Variants in ATPSCKMT observed in about 807,000 individuals in gnomAD.
The protein encoded by ATPSCKMT is ATP synthase subunit C lysine N-methyltransferase.
ATPSCKMT carries 24 observed loss-of-function variants against 24.3 expected under a neutral mutation model. The observed-to-expected ratio is 0.99, with a 90% CI of 0.71 to 1.39. ATPSCKMT has a LOEUF of 1.39. Ranked by LOEUF, ATPSCKMT falls within the 40% of genes most tolerant of loss-of-function variation. The pLI, the probability that ATPSCKMT is intolerant of heterozygous loss-of-function variation, is 0.00. For missense variants in ATPSCKMT, 311 were observed against 298.4 expected (o/e 1.04, Z -0.31); for synonymous variants, 95 against 110.5 (o/e 0.86, Z 0.88).
In ATPSCKMT at chr5:10,235,272, T is replaced by C; in HGVS notation, c.445-11A>G. The C allele has an allele frequency of 1.9e-6, 3 of 1,611,822 alleles. No individual in the cohort carries two copies. Among genetic ancestry groups the C allele is most frequent in the Non-Finnish European group, 2.5e-6 (3 of 1,178,590 alleles). ...CTGCGAAAAAGTAACCTGAACAAGG[T>C]GGGAAAATAATCAGTAGATTAAGTG... On this transcript the variant is annotated splice_polypyrimidine_tract_variant and intron_variant, in intron 3 of 4. Coordinates refer to ENST00000511437, the MANE Select transcript of ATPSCKMT (RefSeq NM_199133.4).
chr5:10,240,546 C>T lies in ATPSCKMT; in HGVS notation c.17-1190G>A, dbSNP rs948543633. Among the ~76,000 whole-genome samples the T allele has an allele frequency of 7.2e-5, 11 of 152,158 alleles. No individual in the cohort carries two copies. In the East Asian group the frequency reaches 2.1e-3, roughly 29 times the overall value. On this transcript the variant is annotated intron_variant, in intron 1 of 4. Transcript: ENST00000511437. ...TGGGACCCTGAATCCCTGGTCCTTGCTGAGCCTGTTTTCTCATCTGCAAAG... is the reference window on the plus strand; with the variant it reads ...TGGGACCCTGAATCCCTGGTCCTTGTTGAGCCTGTTTTCTCATCTGCAAAG...
chr5:10,239,489 A>G (rs1744528802), intron 1 of ATPSCKMT, 133 bp from the exon 2 acceptor site: 1 of 743,328 alleles, frequency 1.3e-6, no homozygotes. Flanking sequence ...TACAAGCTAA[A>G]TGTCAACTGT....
intron 1 of ATPSCKMT, among the ~76,000 whole-genome samples, chr5:10,241,377 A>G (rs10037085): frequency 0.044 from 6,769 of 152,264 alleles, 534 homozygotes; most frequent in African/African-American, 0.16. Flanking sequence ...ACACCCATGA[A>G]CTACGGCAAT....
intron 2 of ATPSCKMT, among the ~76,000 whole-genome samples, chr5:10,238,174 G>A (rs1744460328): frequency 6.6e-6 from 1 of 152,128 alleles, no homozygotes; most frequent in Non-Finnish European, 1.5e-5. Flanking sequence ...GATGGGTGGT[G>A]GTGATGGTGG....
intron 1 of ATPSCKMT, among the ~76,000 whole-genome samples, chr5:10,245,253 T>C (rs1353983709): frequency 6.6e-6 from 1 of 151,630 alleles, no homozygotes; most frequent in Non-Finnish European, 1.5e-5. Flanking sequence ...ACCCTGTCTC[T>C]ACTAAAAATC....
intron 4 of ATPSCKMT, among the ~76,000 whole-genome samples, chr5:10,230,995 T>G (rs1744103858): frequency 8.2e-6 from 1 of 121,234 alleles, no homozygotes; most frequent in South Asian, 2.6e-4. Context: ...CCCAGACTCC[T>G]TCTCACCCAC....
At position 10,239,270 on chromosome 5, in the gene ATPSCKMT, T is replaced by A. The variant is rs758711347; in HGVS notation, c.103A>T (p.Asn35Tyr). 1 of 1,614,210 alleles carries A rather than the reference T, an allele frequency of 6.2e-7. No individual in the cohort carries two copies. Among genetic ancestry groups the A allele is most frequent in the East Asian group, 2.2e-5 (1 of 44,894 alleles). The change falls in exon 2 of 5, where the codon AAC becomes TAC. Residue 35 changes from asparagine (N) to tyrosine (Y), a missense_variant. By Grantham distance (143) the Asn-to-Tyr change is moderately radical. Coordinates refer to ENST00000511437, the MANE Select transcript of ATPSCKMT (RefSeq NM_199133.4). Reference sequence around the variant, plus strand: ...AGCCCAGTAAGTAAGAACCCCCAGTTGCTTTTCTGCAAACTGTTGACTTCA... The same window carrying A: ...AGCCCAGTAAGTAAGAACCCCCAGTAGCTTTTCTGCAAACTGTTGACTTCA... ...SFEVNSLQKS[N>Y]WGFLLTGLVG... is the part of the protein sequence containing the mutation.
At chr5:10,239,458 T>G (rs904304057) in intron 1 of ATPSCKMT, 102 bp from the exon 2 acceptor site, 1 of 1,045,846 alleles carries the variant, frequency 9.6e-7, no homozygotes, top group Non-Finnish European at 1.4e-6. Context: ...CTCATGCTTT[T>G]TAAAGGATAA....
In ATPSCKMT at chr5:10,239,258, A is replaced by G. The variant is rs1744515480; in HGVS notation, c.115T>C (p.Leu39=). 1.2e-6 allele frequency: 2 copies of G among 1,614,226 alleles called. No individual in the cohort carries two copies. Among genetic ancestry groups the G allele is most frequent in the Non-Finnish European group, 1.7e-6 (2 of 1,180,038 alleles). ...NSLQKSNWGF[L]LTGLVGGTLV... is the part of the protein sequence containing the mutation. ...GTGCCACCCACAAGCCCAGTAAGTA[A>G]GAACCCCCAGTTGCTTTTCTGCAAA... Residue 39 remains leucine, a synonymous_variant, in exon 2 of 5, where the codon TTA becomes CTA. Coordinates refer to ENST00000511437, the MANE Select transcript of ATPSCKMT (RefSeq NM_199133.4).
At position 10,225,883 on chromosome 5, in the gene ATPSCKMT, C is replaced by T. The variant is rs983134781; in HGVS notation, c.*1558G>A. Among the ~76,000 whole-genome samples the T allele has an allele frequency of 2.1e-4, 32 of 152,160 alleles. No homozygotes were observed. Among genetic ancestry groups the T allele is most frequent in the African/African-American group, 6.8e-4 (28 of 41,440 alleles). On this transcript the variant is annotated 3_prime_UTR_variant, in exon 5 of 5. Coordinates refer to ENST00000511437, the MANE Select transcript of ATPSCKMT (RefSeq NM_199133.4). ...CAAGGAGCTACCATGGATCCCCCTC[C>T]GAGTGTGCCCAGACCAGTTACAGGA...
intron 1 of ATPSCKMT, among the ~76,000 whole-genome samples, chr5:10,247,693 C>T (rs941011810): frequency 5.3e-5 from 8 of 152,172 alleles, no homozygotes; most frequent in Non-Finnish European, 8.8e-5. Flanking sequence ...ACTGTTTCTA[C>T]AAATCCTTCT....
chr5:10,237,027 G>A (rs761014875), intron 2 of ATPSCKMT: 1 of 1,293,606 alleles, frequency 7.7e-7, no homozygotes, highest in South Asian at 1.2e-5. Flanking sequence ...GTAATAATAT[G>A]CAATAAAAAT....
chr5:10,233,432 A>G (rs973227352), intron 4 of ATPSCKMT, among the ~76,000 whole-genome samples: 1 of 152,218 alleles, frequency 6.6e-6, no homozygotes. Context: ...GAACGTGGAC[A>G]CTTTGTATCC....
intron 1 of ATPSCKMT, chr5:10,248,240 C>G (rs1306609944): frequency 6.6e-6 from 1 of 152,038 alleles, no homozygotes; most frequent in Non-Finnish European, 1.5e-5. Context: ...AGTCTAATGT[C>G]ATTTGTGTCC....
rs1175458572 is a variant in ATPSCKMT at position 10,227,593 on chromosome 5, T to C, written c.550A>G (p.Ile184Val). Residue 184 changes from isoleucine to valine, a missense_variant, in exon 5 of 5, where the codon ATT becomes GTT. Ile to Val is a conservative substitution (Grantham distance 29). Coordinates refer to ENST00000511437, the MANE Select transcript of ATPSCKMT (RefSeq NM_199133.4). ...TGTGGGAAAGGGAACCGGCAAGCAA[T>C]AACTCGTGCATCATCCTCAAGTTCA... ...ERELEDDARV[I>V]ACRFPFPHWT... The C allele has an allele frequency of 1.2e-6, 2 of 1,614,056 alleles. No homozygotes were observed. Among genetic ancestry groups the C allele is most frequent in the African/African-American group, 1.3e-5 (1 of 74,914 alleles).
At chr5:10,249,404 C>CA (rs1228240316) in intron 1 of ATPSCKMT, 1 of 183,722 alleles carries the variant, frequency 5.4e-6, no homozygotes, top group Non-Finnish European at 1.1e-5. Flanking sequence ...TTCAGCTTGC[C>CA]AGGCACCGTT....
intron 4 of ATPSCKMT, among the ~76,000 whole-genome samples, chr5:10,230,398 T>C (rs888323155): frequency 2.6e-5 from 4 of 152,242 alleles, no homozygotes; most frequent in African/African-American, 9.6e-5. Context: ...TATAAACTTA[T>C]TCATGATGCT....
Position 10,236,482 on chromosome 5 carries a change from C to T in ATPSCKMT, c.440G>A (p.Trp147Ter). 1 of 1,614,000 alleles carries T rather than the reference C, an allele frequency of 6.2e-7. No homozygotes were observed. The highest frequency in any genetic ancestry group is 8.5e-7 in the Non-Finnish European group (1 of 1,179,978). The change falls in exon 3 of 5, where the codon TGG becomes TAG. Residue 147 changes from tryptophan (W) to a stop codon, truncating the protein, a stop_gained. Coordinates refer to ENST00000511437, the MANE Select transcript of ATPSCKMT (RefSeq NM_199133.4). LOFTEE classifies it high-confidence loss of function. The stretch of plus-strand genomic sequence containing the variant: ...GCCATTCTCTGCCTTACATACCTTC[C>T]ACAAATCTGAAATATAAAATTTGGC... ...GSAKFYISDL[W>*]KVTFSQYSNV...
At chr5:10,235,322 C>T in intron 3 of ATPSCKMT, 61 bp from the exon 4 acceptor site, 2 of 1,460,240 alleles carry the variant, frequency 1.4e-6, no homozygotes, top group Non-Finnish European at 1.9e-6. Context: ...TGAAGCTTAA[C>T]TTGTTTTACA....
Sources: allele counts gnomAD v4.1 joint callset (sites outside exome capture counted in the v4.1 genomes callset), GRCh38; gene constraint gnomAD v4.1.1; transcripts MANE v1.5; gene names NCBI Gene and HGNC (gene_info 2026-07-23, HGNC 2026-07-21).